Variants in PPFIA1 observed in about 807,000 individuals in gnomAD.
PPFIA1 encodes liprin-alpha-1.
A neutral mutation model predicts 149.9 loss-of-function variants in PPFIA1; 25 were observed. The ratio of observed to expected loss-of-function variants is 0.17; its 90% CI spans 0.12 to 0.23. The LOEUF is 0.23. Among genes scored for constraint, PPFIA1 ranks in the 10% least tolerant of loss-of-function variants. The pLI is 1.00. For missense variants in PPFIA1, 1,362 were observed against 1,506.5 expected, an observed-to-expected ratio of 0.90 and a Z score of 1.59; for synonymous variants, 549 against 552.8, an observed-to-expected ratio of 0.99 and a Z score of 0.10.
In PPFIA1 at chr11:70,338,781, G is replaced by A. The variant is rs78315363; in HGVS notation, c.1571+328G>A. Among the ~76,000 whole-genome samples the A allele has an allele frequency of 5.8e-3, 880 of 152,368 alleles. 10 individuals are homozygous for A. The highest frequency in any genetic ancestry group is 0.041 in the Middle Eastern group (12 of 294). On this transcript the variant is annotated intron_variant, in intron 13 of 27. Coordinates refer to ENST00000253925, the MANE Select transcript of PPFIA1 (RefSeq NM_003626.5). ...ACACCACAGATGCTGGCACGGGTGG[G>A]ACAATTGCAGAGCAGTTGAAGGCCA...
At chr11:70,301,624 G>A (rs576153751) in intron 2 of PPFIA1, among the ~76,000 whole-genome samples, 95 of 152,316 alleles carry the variant, frequency 6.2e-4, no homozygotes, top group Non-Finnish European at 5.0e-4. Context: ...TAGCACCTTA[G>A]AAATATTTTT....
At chr11:70,346,514 C>T (rs1051198722) in intron 15 of PPFIA1, among the ~76,000 whole-genome samples, 38 of 152,094 alleles carry the variant, frequency 2.5e-4, no homozygotes, top group African/African-American at 9.2e-4. Flanking sequence ...GACTTTATAA[C>T]TCCCATTTCA....
intron 21 of PPFIA1, among the ~76,000 whole-genome samples, chr11:70,368,072 ACG>A: frequency 6.6e-6 from 1 of 152,280 alleles, no homozygotes; most frequent in South Asian, 2.1e-4. Flanking sequence ...CGGAAAGTGG[ACG>A]TTACAGTGAG....
At position 70,362,188 on chromosome 11, in the gene PPFIA1, A is replaced by T; in HGVS notation, c.2664+12A>T. 3 of 1,614,076 alleles carry T rather than the reference A, an allele frequency of 1.9e-6. No individual in the cohort carries two copies. Among genetic ancestry groups the T allele is most frequent in the Non-Finnish European group, 2.5e-6 (3 of 1,179,922 alleles). ...TGGTCTGGCTAGAGGTACATCCTTC[A>T]TTTAACATGCAGTTGCGTGGGTTAC... On this transcript the variant is annotated intron_variant, in intron 20 of 27. Coordinates refer to ENST00000253925, the MANE Select transcript of PPFIA1 (RefSeq NM_003626.5).
At chr11:70,298,117 T>C (rs760700666) in intron 2 of PPFIA1, among the ~76,000 whole-genome samples, 2 of 152,224 alleles carry the variant, frequency 1.3e-5, no homozygotes, top group Non-Finnish European at 2.9e-5. Context: ...TGAATGAAAA[T>C]CCAAATCAGA....
chr11:70,282,304 G>A (rs1176132135), intron 2 of PPFIA1: 1 of 152,842 alleles, frequency 6.5e-6, no homozygotes, highest in Non-Finnish European at 1.5e-5. Flanking sequence ...AAGGAGGCTA[G>A]GGAGGTAGGA....
rs2057315846 is a variant in PPFIA1 at position 70,372,513 on chromosome 11, G to C, written c.3078G>C (p.Arg1026Ser). ...SFQCGIMCLRRLNYDRKELER... is the reference protein window; with the variant it reads ...SFQCGIMCLRSLNYDRKELER... ...AGTGTGGAATTATGTGCCTGAGAAG[G>C]TTAAATTATGACCGGAAAGAACTGG... Residue 1026 changes from arginine (R) to serine (S), a missense_variant, in exon 23 of 28, where the codon AGG becomes AGC. Physicochemically the swap from Arg to Ser is moderately radical, Grantham distance 110. Transcript: ENST00000253925. 1.2e-6 allele frequency: 2 copies of C among 1,614,006 alleles called. No homozygotes were observed. The highest frequency in any genetic ancestry group is 1.7e-6 in the Non-Finnish European group (2 of 1,179,924).
At chr11:70,360,504 C>T (rs2056586087) in intron 19 of PPFIA1, among the ~76,000 whole-genome samples, 1 of 152,224 alleles carries the variant, frequency 6.6e-6, no homozygotes, top group Non-Finnish European at 1.5e-5. Context: ...AGATTGTTAG[C>T]GTTCAGAGCT....
intron 2 of PPFIA1, among the ~76,000 whole-genome samples, chr11:70,322,952 AT>A (rs1395021679): frequency 9.7e-6 from 1 of 103,336 alleles, no homozygotes; most frequent in Non-Finnish European, 2.5e-5. Flanking sequence ...AGCCCCACAT[AT>A]GTTTCTGTTG....
intron 11 of PPFIA1, 40 bp downstream of exon 11, chr11:70,335,734 C>G: frequency 6.2e-7 from 1 of 1,609,386 alleles, no homozygotes; most frequent in Non-Finnish European, 8.5e-7. Context: ...CTTTCCCACC[C>G]TCTGCCAAAA....
chr11:70,340,407 C>G, intron 14 of PPFIA1, among the ~76,000 whole-genome samples: 1 of 152,182 alleles, frequency 6.6e-6, no homozygotes, highest in African/African-American at 2.4e-5. Context: ...TGCACCACTG[C>G]GCTCCAGCTT....
intron 2 of PPFIA1, among the ~76,000 whole-genome samples, chr11:70,286,392 C>T (rs1235842921): frequency 2.0e-5 from 3 of 152,184 alleles, no homozygotes; most frequent in Admixed American, 2.0e-4. Context: ...GCTGGGACTA[C>T]AGGCACATGC....
At chr11:70,376,739 C>T in intron 25 of PPFIA1, 139 bp downstream of exon 25, 1 of 805,964 alleles carries the variant, frequency 1.2e-6, no homozygotes. Flanking sequence ...AGAAGTCAGG[C>T]TTTGCTCTTA....
At chr11:70,380,787 A>G (rs142538876) in intron 26 of PPFIA1, among the ~76,000 whole-genome samples, 33 of 152,182 alleles carry the variant, frequency 2.2e-4, no homozygotes, top group Admixed American at 2.0e-3. Context: ...ATTATAAAGA[A>G]GACTTTTTAC....
chr11:70,282,834 T>A (rs1234367370), intron 2 of PPFIA1, among the ~76,000 whole-genome samples: 2 of 39,162 alleles, frequency 5.1e-5, no homozygotes, highest in Admixed American at 2.8e-4. Flanking sequence ...CGTGCCTGGC[T>A]TTTTTTTTTT....
At chr11:70,278,058 G>A (rs913530247) in intron 2 of PPFIA1, among the ~76,000 whole-genome samples, 6 of 151,726 alleles carry the variant, frequency 4.0e-5, no homozygotes, top group Non-Finnish European at 5.9e-5. Context: ...CTACAAGCAC[G>A]TGCCACCACG....
chr11:70,333,361 C>T (rs867294023), intron 9 of PPFIA1, 109 bp from the exon 10 acceptor site: 35 of 816,650 alleles, frequency 4.3e-5, no homozygotes, highest in Non-Finnish European at 6.5e-5. Flanking sequence ...TTTAGTATGG[C>T]GGAGCAGCCC....
intron 15 of PPFIA1, among the ~76,000 whole-genome samples, chr11:70,344,143 A>C (rs2055531678): frequency 6.6e-6 from 1 of 152,228 alleles, no homozygotes; most frequent in African/African-American, 2.4e-5. Flanking sequence ...GGGACCTGAG[A>C]GGTCCTTCCC....
At chr11:70,297,444 AC>A (rs1293011013) in intron 2 of PPFIA1, among the ~76,000 whole-genome samples, 1 of 152,264 alleles carries the variant, frequency 6.6e-6, no homozygotes, top group East Asian at 1.9e-4. Context: ...AAAGATGTAA[AC>A]AATATGGAAA....
Sources: allele counts gnomAD v4.1 joint callset (sites outside exome capture counted in the v4.1 genomes callset), GRCh38; gene constraint gnomAD v4.1.1; transcripts MANE v1.5; gene names NCBI Gene and HGNC (gene_info 2026-07-23, HGNC 2026-07-21).